The following GALNTL6 variants were observed in gnomAD, a reference collection of about 807,000 sequenced individuals.
GALNTL6 encodes polypeptide N-acetylgalactosaminyltransferase-like 6.
GALNTL6 carries 46 observed loss-of-function variants against 73.7 expected under a neutral mutation model. The ratio of observed to expected loss-of-function variants is 0.62; its 90% CI spans 0.49 to 0.80. GALNTL6 has a LOEUF of 0.80. Among genes scored for constraint, GALNTL6 ranks in the 30% least tolerant of loss-of-function variants. The probability of loss-of-function intolerance (pLI) is 0.00; values close to 1 mark genes in which losing one functional copy is unlikely to be tolerated. For synonymous variants in GALNTL6, 259 were observed against 263.7 expected (o/e 0.98, Z 0.17); for missense variants, 604 against 755.0 (o/e 0.80, Z 2.34).
At chr4:172,186,130 A>C (rs973541425) in intron 2 of GALNTL6, among the ~76,000 whole-genome samples, 1 of 152,156 alleles carries the variant, frequency 6.6e-6, no homozygotes, top group Non-Finnish European at 1.5e-5. Flanking sequence ...TTTTGTGACT[A>C]CTGAAAATTG....
intron 2 of GALNTL6, among the ~76,000 whole-genome samples, chr4:171,850,287 A>T (rs1200126760): frequency 6.6e-6 from 1 of 152,192 alleles, no homozygotes; most frequent in African/African-American, 2.4e-5. Context: ...GGCCCTATGC[A>T]TCAAAACGTA....
At chr4:171,962,297 A>C (rs1739243392) in intron 2 of GALNTL6, among the ~76,000 whole-genome samples, 1 of 152,176 alleles carries the variant, frequency 6.6e-6, no homozygotes, top group South Asian at 2.1e-4. Context: ...GCTGAGACCT[A>C]CCGGGCTGCA....
At chr4:172,603,581 A>C (rs1219588073) in intron 5 of GALNTL6, among the ~76,000 whole-genome samples, 1 of 152,240 alleles carries the variant, frequency 6.6e-6, no homozygotes, top group Non-Finnish European at 1.5e-5. Flanking sequence ...CACTTCAGGA[A>C]CAAAAAAAAT....
chr4:172,845,583 T>C (rs1418528307), intron 7 of GALNTL6, among the ~76,000 whole-genome samples: 1 of 152,224 alleles, frequency 6.6e-6, no homozygotes. Flanking sequence ...TCAAAAATCA[T>C]TGAGACTAAT....
chr4:172,974,325 T>TTCTC (rs138016193), intron 10 of GALNTL6, among the ~76,000 whole-genome samples: 3 of 151,796 alleles, frequency 2.0e-5, no homozygotes, highest in African/African-American at 7.3e-5. Flanking sequence ...CTCTTCCTCT[T>TTCTC]TCTCTCTCTC....
chr4:172,617,656 T>C (rs1463355612), intron 5 of GALNTL6, among the ~76,000 whole-genome samples: 1 of 151,544 alleles, frequency 6.6e-6, no homozygotes, highest in East Asian at 1.9e-4. Flanking sequence ...TTTTTTTTTG[T>C]ATTTTTAGTA....
chr4:172,521,769 G>A (rs563543175), intron 5 of GALNTL6, among the ~76,000 whole-genome samples: 1 of 152,276 alleles, frequency 6.6e-6, no homozygotes, highest in South Asian at 2.1e-4. Flanking sequence ...CCAGAGAAAT[G>A]GCAGCTAAGC....
chr4:172,434,406 T>A (rs867338330), intron 5 of GALNTL6, among the ~76,000 whole-genome samples: 1 of 152,156 alleles, frequency 6.6e-6, no homozygotes, highest in South Asian at 2.1e-4. Context: ...TACTGTATAT[T>A]TATGCTGTAA....
chr4:172,747,678 G>A (rs1370917520), intron 5 of GALNTL6, among the ~76,000 whole-genome samples: 6 of 151,970 alleles, frequency 3.9e-5, no homozygotes, highest in African/African-American at 1.2e-4. Context: ...ATATACCAAA[G>A]GAATTGAAAT....
intron 3 of GALNTL6, among the ~76,000 whole-genome samples, chr4:172,283,701 G>C (rs927574951): frequency 2.0e-5 from 3 of 152,036 alleles, no homozygotes; most frequent in African/African-American, 7.2e-5. Context: ...AGGACAGACT[G>C]AATATAATGC....
intron 5 of GALNTL6, among the ~76,000 whole-genome samples, chr4:172,634,428 G>T (rs566870250): frequency 6.6e-6 from 1 of 152,072 alleles, no homozygotes; most frequent in Non-Finnish European, 1.5e-5. Flanking sequence ...GTCCCCCGTG[G>T]CAATAGTTGG....
rs1734464699 is a variant in GALNTL6, at chr4:171,814,395, G to A, written c.-169-17G>A. The A allele has an allele frequency of 4.9e-6, 3 of 611,736 alleles. No individual in the cohort carries two copies. The highest frequency in any genetic ancestry group is 8.6e-6 in the Non-Finnish European group (3 of 348,560). The allele number at this position is 611,736 out of a possible 1,614,324, so 37.9% of individuals were successfully genotyped here. On this transcript the variant is annotated splice_polypyrimidine_tract_variant and intron_variant, in intron 1 of 12. Transcript: ENST00000506823. The stretch of plus-strand genomic sequence containing the variant: ...ATAGTTTTCTGGGGGGAAAGTAACT[G>A]TGCGTTTGTTCTGCAGATGGCCAAC...
rs575801392 is a variant in GALNTL6, at chr4:171,963,259, T to C, written c.138+148541T>C. Among the ~76,000 whole-genome samples, 7 of 152,274 alleles carry C rather than the reference T, an allele frequency of 4.6e-5. No homozygotes were observed. The East Asian group carries it at 9.7e-4, about 21-fold the overall frequency. On this transcript the variant is annotated intron_variant, in intron 2 of 12. Transcript: ENST00000506823. ...TTGGTATGTCCAACGGCACAGCAAA[T>C]GATGTAGCTAGGAGTACACCCAGGT...
intron 2 of GALNTL6, among the ~76,000 whole-genome samples, chr4:171,894,476 T>C (rs1456253152): frequency 1.3e-5 from 2 of 152,212 alleles, no homozygotes; most frequent in Admixed American, 6.5e-5. Context: ...AGTTAATTCT[T>C]TTTACAATAT....
At chr4:172,029,077 T>A (rs189914914) in intron 2 of GALNTL6, among the ~76,000 whole-genome samples, 2 of 152,114 alleles carry the variant, frequency 1.3e-5, no homozygotes, top group East Asian at 3.9e-4. Flanking sequence ...GAAGAAAAGA[T>A]GAATTTGTTC....
chr4:172,693,413 A>T (rs1733440556), intron 5 of GALNTL6, among the ~76,000 whole-genome samples: 1 of 152,180 alleles, frequency 6.6e-6, no homozygotes, highest in Admixed American at 6.5e-5. Context: ...AATCAAGGAG[A>T]CTATCAGCCT....
At chr4:172,587,335 A>C (rs868690268) in intron 5 of GALNTL6, among the ~76,000 whole-genome samples, 2 of 152,198 alleles carry the variant, frequency 1.3e-5, no homozygotes, top group African/African-American at 4.8e-5. Context: ...AAGCCACATT[A>C]TTCCCCACCC....
At chr4:172,503,977 T>C (rs1734355708) in intron 5 of GALNTL6, among the ~76,000 whole-genome samples, 1 of 13,684 alleles carries the variant, frequency 7.3e-5, no homozygotes, top group Admixed American at 1.4e-3. Context: ...CATGGTGAAA[T>C]CCCGTCTGTA....
rs114835694 is a variant in GALNTL6, at chr4:172,475,086, A to G, written c.553+126397A>G. 1.2e-3 allele frequency among the ~76,000 whole-genome samples: 181 copies of G among 152,334 alleles called. 1 individual carries two copies. Among genetic ancestry groups the G allele is most frequent in the African/African-American group, 4.2e-3 (174 of 41,572 alleles). On this transcript the variant is annotated intron_variant, in intron 5 of 12. Coordinates refer to ENST00000506823, the MANE Select transcript of GALNTL6 (RefSeq NM_001034845.3). ...TTCGTTCTAGAGTTGGTGAAGGGCAATAAAAGGAATAGTTAAATCAAAATG... is the reference window on the plus strand; with the variant it reads ...TTCGTTCTAGAGTTGGTGAAGGGCAGTAAAAGGAATAGTTAAATCAAAATG...
Sources: allele counts gnomAD v4.1 joint callset (sites outside exome capture counted in the v4.1 genomes callset), GRCh38; gene constraint gnomAD v4.1.1; transcripts MANE v1.5; gene names NCBI Gene and HGNC (gene_info 2026-07-23, HGNC 2026-07-21).